The following PARN variants were observed in gnomAD, a reference collection of about 807,000 sequenced individuals.
PARN encodes the protein poly(A)-specific ribonuclease, also known as poly(A)-specific ribonuclease PARN.
A neutral mutation model predicts 102.8 loss-of-function variants in PARN; 71 were observed. The ratio of observed to expected loss-of-function variants is 0.69; its 90% CI spans 0.57 to 0.84. The LOEUF (loss-of-function observed/expected upper bound fraction) is 0.84, where lower values mean the gene tolerates loss of function less well. Among genes scored for constraint, PARN ranks in the 40% least tolerant of loss-of-function variants. The pLI, the probability that PARN is intolerant of heterozygous loss-of-function variation, is 0.00. For synonymous variants in PARN, 261 were observed against 252.9 expected, an observed-to-expected ratio of 1.03 and a Z score of -0.30; for missense variants, 782 against 760.9, an observed-to-expected ratio of 1.03 and a Z score of -0.33.
intron 1 of PARN, 135 bp downstream of exon 1, chr16:14,629,972 C>A: frequency 1.2e-6 from 1 of 800,448 alleles, no homozygotes; most frequent in Non-Finnish European, 2.0e-6. Context: ...AGAGGCGCAC[C>A]GGCTTAAGGA....
At position 14,630,201 on chromosome 16, in the gene PARN, G is replaced by C. The variant is rs934634014; in HGVS notation, c.-76C>G. 1 of 1,340,872 alleles carries C rather than the reference G, an allele frequency of 7.5e-7. No individual in the cohort carries two copies. The highest frequency in any genetic ancestry group is 1.3e-5 in the South Asian group (1 of 77,790). The allele number at this position is 1,340,872 out of a possible 1,614,324, so 83.1% of individuals were successfully genotyped here. A position where few individuals can be genotyped will look rare whatever the true frequency, so the allele number is the denominator to read the frequency against. ...GCGGTTCTACTCGCCGAATTCCGCG[G>C]CGACTGCGGCAGTAGCTGAGGCAGC... On this transcript the variant is annotated 5_prime_UTR_variant, in exon 1 of 24. Coordinates refer to ENST00000437198, the MANE Select transcript of PARN (RefSeq NM_002582.4).
At chr16:14,567,139 CA>C (rs1360066604) in intron 18 of PARN, among the ~76,000 whole-genome samples, 1 of 151,950 alleles carries the variant, frequency 6.6e-6, no homozygotes, top group African/African-American at 2.4e-5. Context: ...CTTGGGGAGC[CA>C]AAAACGAAAT....
At chr16:14,614,849 A>C (rs1971782620) in intron 6 of PARN, among the ~76,000 whole-genome samples, 1 of 56,332 alleles carries the variant, frequency 1.8e-5, no homozygotes, top group African/African-American at 7.1e-5. Flanking sequence ...ACTGTCTCAA[A>C]AAAAAAAAAA....
chr16:14,555,747 C>A, intron 18 of PARN, 38 bp from the exon 19 acceptor site: 1 of 1,089,038 alleles, frequency 9.2e-7, no homozygotes, highest in Non-Finnish European at 1.3e-6. Context: ...TGGGCAATTT[C>A]CTTTAAAAGA....
At chr16:14,530,233 G>A (rs188891669) in intron 21 of PARN, among the ~76,000 whole-genome samples, 2 of 152,306 alleles carry the variant, frequency 1.3e-5, no homozygotes, top group African/African-American at 4.8e-5. Context: ...GTGAAGGAAT[G>A]AGCATTTCTT....
chr16:14,557,806 A>C (rs1226237719), intron 18 of PARN, among the ~76,000 whole-genome samples: 1 of 152,194 alleles, frequency 6.6e-6, no homozygotes, highest in Non-Finnish European at 1.5e-5. Flanking sequence ...TAACCAATTT[A>C]ATCAATACTC....
At chr16:14,484,832 T>C (rs1343421155) in intron 21 of PARN, among the ~76,000 whole-genome samples, 1 of 152,162 alleles carries the variant, frequency 6.6e-6, no homozygotes, top group East Asian at 1.9e-4. Flanking sequence ...AAAACTCTAC[T>C]TCTTCAGAAA....
intron 22 of PARN, among the ~76,000 whole-genome samples, chr16:14,460,593 T>C (rs1961911657): frequency 1.3e-5 from 2 of 152,208 alleles, no homozygotes; most frequent in Admixed American, 6.5e-5. Context: ...TTAGAAACTT[T>C]CGTCAAAACA....
chr16:14,563,978 G>A lies in PARN; in HGVS notation c.1263-8269C>T, dbSNP rs145028314. ...GATCCTCTCCTGTCTGGAAGTTATC[G>A]GTCCCCCTGTACTGAGAATGGGAGG... On this transcript the variant is annotated intron_variant, in intron 18 of 23. Transcript: ENST00000437198. Among the ~76,000 whole-genome samples the A allele has an allele frequency of 2.3e-3, 351 of 152,128 alleles. 8 individuals are homozygous for A. The East Asian group carries it at 0.056, about 24-fold the overall frequency.
chr16:14,468,595 G>C (rs1401651027), intron 22 of PARN, among the ~76,000 whole-genome samples: 3 of 152,126 alleles, frequency 2.0e-5, no homozygotes, highest in Non-Finnish European at 4.4e-5. Flanking sequence ...CAGCCACATG[G>C]GCATTAGCTA....
intron 5 of PARN, among the ~76,000 whole-genome samples, chr16:14,618,493 C>CAACA (rs1972071470): frequency 1.3e-5 from 1 of 77,490 alleles, no homozygotes; most frequent in African/African-American, 4.9e-5. Context: ...GACTCTGTCT[C>CAACA]AAAAAAAAAA....
chr16:14,530,235 G>A (rs775065954), intron 21 of PARN, among the ~76,000 whole-genome samples: 1 of 152,134 alleles, frequency 6.6e-6, no homozygotes, highest in African/African-American at 2.4e-5. Context: ...GAAGGAATGA[G>A]CATTTCTTCC....
chr16:14,569,033 TA>T (rs1220892497), intron 18 of PARN, among the ~76,000 whole-genome samples: 3 of 151,004 alleles, frequency 2.0e-5, no homozygotes, highest in Non-Finnish European at 4.4e-5. Flanking sequence ...CCAACATGGT[TA>T]AACCCCGTCT....
chr16:14,618,723 G>A (rs1045498199), intron 5 of PARN, among the ~76,000 whole-genome samples: 1 of 151,590 alleles, frequency 6.6e-6, no homozygotes, highest in Non-Finnish European at 1.5e-5. Context: ...GAAAGCTCCT[G>A]ATCGCTTGAC....
intron 3 of PARN, 30 bp from the exon 4 acceptor site, chr16:14,627,366 A>C: frequency 4.0e-6 from 6 of 1,509,810 alleles, no homozygotes; most frequent in Non-Finnish European, 4.5e-6. Context: ...CATCTGTCAC[A>C]AAAGTGCTGC....
intron 22 of PARN, among the ~76,000 whole-genome samples, chr16:14,460,459 G>A (rs1174016658): frequency 1.3e-5 from 2 of 152,186 alleles, no homozygotes; most frequent in South Asian, 2.1e-4. Flanking sequence ...CAACGGAAGG[G>A]TGAGTATTCT....
At chr16:14,527,171 A>AT (rs1259800327) in intron 21 of PARN, among the ~76,000 whole-genome samples, 1 of 152,208 alleles carries the variant, frequency 6.6e-6, no homozygotes, top group African/African-American at 2.4e-5. Flanking sequence ...TAATTTCTCT[A>AT]TATGACCTTG....
At chr16:14,627,783 T>A (rs1190492504) in intron 3 of PARN, among the ~76,000 whole-genome samples, 1 of 152,172 alleles carries the variant, frequency 6.6e-6, no homozygotes, top group South Asian at 2.1e-4. Flanking sequence ...ACGCCAGAAG[T>A]TCGAGACCAG....
intron 12 of PARN, among the ~76,000 whole-genome samples, chr16:14,595,722 G>C (rs2151771437): frequency 6.6e-6 from 1 of 152,210 alleles, no homozygotes; most frequent in South Asian, 2.1e-4. Context: ...GTAGAGACGG[G>C]GTTTTACCAT....
Sources: allele counts gnomAD v4.1 joint callset (sites outside exome capture counted in the v4.1 genomes callset), GRCh38; gene constraint gnomAD v4.1.1; transcripts MANE v1.5; gene names NCBI Gene and HGNC (gene_info 2026-07-23, HGNC 2026-07-21).